ZFAT: variants seen among roughly 807,000 people sequenced by gnomAD.
The protein encoded by ZFAT is zinc finger protein ZFAT.
A neutral mutation model predicts 117.7 loss-of-function variants in ZFAT; 64 were observed. The observed-to-expected ratio is 0.54, with a 90% CI of 0.44 to 0.67. ZFAT has a LOEUF of 0.67. Among genes scored for constraint, ZFAT ranks in the 30% least tolerant of loss-of-function variants. The pLI is 0.00. For missense variants in ZFAT, 1,433 were observed against 1,584.5 expected (o/e 0.90, Z 1.62); for synonymous variants, 679 against 615.0 (o/e 1.10, Z -1.54).
the ZFAT span, among the ~76,000 whole-genome samples, chr8:134,782,972 T>C: frequency 5.9e-5 from 9 of 151,860 alleles, no homozygotes; most frequent in African/African-American, 2.2e-4. Flanking sequence ...TGAGCAAATA[T>C]GTAAATATAT....
chr8:134,760,273 G>GAA, the ZFAT span, among the ~76,000 whole-genome samples: 159 of 128,760 alleles, frequency 1.2e-3, 1 homozygote, highest in Middle Eastern at 0.013. Context: ...GTCTCAAAAA[G>GAA]AAAAAAAAAA....
At chr8:134,826,170 A>T in the ZFAT span, among the ~76,000 whole-genome samples, 1 of 152,232 alleles carries the variant, frequency 6.6e-6, no homozygotes. Context: ...AATTTGCAAA[A>T]AATAGCAAAC....
intron 13 of ZFAT, among the ~76,000 whole-genome samples, chr8:134,519,091 C>A (rs1339764477): frequency 6.6e-6 from 1 of 152,110 alleles, no homozygotes; most frequent in Non-Finnish European, 1.5e-5. Flanking sequence ...CCAAGGGTTT[C>A]CTAGTTAATT....
Position 134,532,822 on chromosome 8 carries a change from C to G in ZFAT, c.3115+12G>C. 1 of 1,608,682 alleles carries G rather than the reference C, an allele frequency of 6.2e-7. No individual in the cohort carries two copies. The highest frequency in any genetic ancestry group is 8.5e-7 in the Non-Finnish European group (1 of 1,178,254). ...AGCGGGCAGGGCCCCAGCTCGCTGG[C>G]CCCTCGCCTACCTTGCTGGATGAGC... On this transcript the variant is annotated intron_variant, in intron 12 of 15. Coordinates refer to ENST00000377838, the MANE Select transcript of ZFAT (RefSeq NM_020863.4).
intron 7 of ZFAT, chr8:134,598,710 GT>G (rs1827159235): frequency 6.6e-6 from 1 of 152,230 alleles, no homozygotes; most frequent in Non-Finnish European, 1.5e-5. Flanking sequence ...TTCAGCCTAT[GT>G]TTCAAAATCT....
chr8:134,765,151 C>A, the ZFAT span: 2 of 152,290 alleles, frequency 1.3e-5, no homozygotes, highest in East Asian at 1.9e-4. Flanking sequence ...AGTTTTTATA[C>A]CCCGTTATTA....
upstream of ZFAT, chr8:134,713,132 A>C: frequency 2.7e-6 from 1 of 365,664 alleles, no homozygotes; most frequent in Non-Finnish European, 4.9e-6. Flanking sequence ...GGCAGGGCCG[A>C]GCTAACGCGC....
At chr8:134,712,746 G>C (rs1353708186) in intron 1 of ZFAT, 99 bp downstream of exon 1, 4 of 1,219,142 alleles carry the variant, frequency 3.3e-6, no homozygotes, top group Non-Finnish European at 4.3e-6. Flanking sequence ...GCCGGCGGCC[G>C]GCGCACTGCT....
the ZFAT span, among the ~76,000 whole-genome samples, chr8:134,747,334 C>G: frequency 6.6e-6 from 1 of 152,164 alleles, no homozygotes; most frequent in Non-Finnish European, 1.5e-5. Flanking sequence ...AAATGATCCT[C>G]CCACCTCAGC....
chr8:134,486,346 TTA>T (rs148202904), intron 15 of ZFAT, among the ~76,000 whole-genome samples: 18,307 of 152,178 alleles, frequency 0.12, 1,197 homozygotes, highest in Middle Eastern at 0.19. Context: ...GAATCATCCT[TTA>T]TGTTTTTCAG....
At chr8:134,804,389 G>A in the ZFAT span, among the ~76,000 whole-genome samples, 7 of 152,202 alleles carry the variant, frequency 4.6e-5, no homozygotes, top group Non-Finnish European at 1.0e-4. Flanking sequence ...GAGGGGAACA[G>A]GAAGTGGGGG....
intron 10 of ZFAT, among the ~76,000 whole-genome samples, chr8:134,580,420 G>A (rs1825637321): frequency 6.6e-6 from 1 of 152,158 alleles, no homozygotes; most frequent in Admixed American, 6.5e-5. Context: ...GACAACCAAG[G>A]CACCTGCACA....
chr8:134,694,193 G>A (rs1833719708), intron 1 of ZFAT, among the ~76,000 whole-genome samples: 1 of 152,176 alleles, frequency 6.6e-6, no homozygotes, highest in Non-Finnish European at 1.5e-5. Flanking sequence ...CTGGAATGAG[G>A]CACGTGGCTG....
intron 15 of ZFAT, among the ~76,000 whole-genome samples, chr8:134,486,826 C>T (rs778194911): frequency 8.5e-5 from 13 of 152,088 alleles, no homozygotes; most frequent in Non-Finnish European, 1.8e-4. Flanking sequence ...AAGACAGGAG[C>T]CAATCGAAGG....
At chr8:134,774,983 T>C in the ZFAT span, among the ~76,000 whole-genome samples, 1 of 152,244 alleles carries the variant, frequency 6.6e-6, no homozygotes, top group Admixed American at 6.5e-5. Flanking sequence ...CCAGCCGTGG[T>C]GGCGTATGCC....
chr8:134,765,811 C>T, the ZFAT span: 48 of 152,278 alleles, frequency 3.2e-4, 1 homozygote, highest in African/African-American at 1.1e-3. Flanking sequence ...GCTTCATTAA[C>T]TCCTCATGTG....
At chr8:134,779,582 C>T in the ZFAT span, among the ~76,000 whole-genome samples, 1 of 152,156 alleles carries the variant, frequency 6.6e-6, no homozygotes, top group African/African-American at 2.4e-5. Flanking sequence ...AGTGAGGTTC[C>T]CTTGGCTTGT....
At chr8:134,665,858 T>TCC (rs1301064447) in intron 1 of ZFAT, among the ~76,000 whole-genome samples, 1 of 152,046 alleles carries the variant, frequency 6.6e-6, no homozygotes, top group Admixed American at 6.5e-5. Context: ...CCCCTCTGCC[T>TCC]CCCCTGAGGT....
chr8:134,588,482 C>T (rs1352371391), intron 8 of ZFAT, 87 bp from the exon 9 acceptor site: 4 of 1,383,828 alleles, frequency 2.9e-6, no homozygotes, highest in African/African-American at 1.5e-5. Context: ...GCAGCACCCA[C>T]AGGAGGAATC....
Sources: gnomAD v4.1 joint callset for allele counts (sites outside exome capture counted in the v4.1 genomes callset) on GRCh38, gnomAD v4.1.1 for gene constraint, MANE v1.5 for transcripts, NCBI Gene and HGNC (gene_info 2026-07-23, HGNC 2026-07-21) for gene names.